AHNAK: variants seen among roughly 807,000 people sequenced by gnomAD.
The protein encoded by AHNAK is neuroblast differentiation-associated protein AHNAK.
In AHNAK, 23 loss-of-function variants were observed where a neutral mutation model predicts 37.8. The ratio of observed to expected loss-of-function variants is 0.61; its 90% confidence interval spans 0.44 to 0.86. The LOEUF is 0.86. Among genes scored for constraint, AHNAK ranks in the 40% least tolerant of loss-of-function variants. The pLI is 0.00. For missense variants in AHNAK, 7,411 were observed against 7,319.4 expected (o/e 1.01, Z -0.46); for synonymous variants, 2,481 against 2,636.3 (o/e 0.94, Z 1.80).
intron 5 of AHNAK, among the ~76,000 whole-genome samples, chr11:62,470,188 C>T (rs1357609606): frequency 6.6e-6 from 1 of 152,176 alleles, no homozygotes; most frequent in Non-Finnish European, 1.5e-5. Flanking sequence ...TGGCTCACGC[C>T]TGTAATCCCA....
At chr11:62,442,276 C>A (rs1938322075) in intron 5 of AHNAK, among the ~76,000 whole-genome samples, 2 of 152,126 alleles carry the variant, frequency 1.3e-5, no homozygotes, top group African/African-American at 4.8e-5. Context: ...CCGGGCACAG[C>A]AGCTCACACC....
intron 5 of AHNAK, among the ~76,000 whole-genome samples, chr11:62,478,920 G>T (rs1283869060): frequency 2.0e-5 from 3 of 151,872 alleles, no homozygotes; most frequent in African/African-American, 7.3e-5. Flanking sequence ...CTGTCTCCCA[G>T]GCTGGAGTAC....
rs547375899 is a variant in AHNAK at position 62,508,726 on chromosome 11, A to G, written c.343-16895T>C. ...AGCGGCTGCCTGACGCCACGGGGCA[A>G]TTCAGAGGCTGGTAAACAGCACATG... On this transcript the variant is annotated intron_variant, in intron 4 of 5. Transcript: ENST00000257247. Among the ~76,000 whole-genome samples, 5 of 152,364 alleles carry G rather than the reference A, an allele frequency of 3.3e-5. No homozygotes were observed. The South Asian group carries it at 1.0e-3, about 32-fold the overall frequency.
rs769012508 is a variant in AHNAK at position 62,518,350 on chromosome 11, A to G, written c.16067T>C (p.Leu5356Pro). 1 of 1,614,086 alleles carries G rather than the reference A, an allele frequency of 6.2e-7. No individual in the cohort carries two copies. The highest frequency in any genetic ancestry group is 2.2e-5 in the East Asian group (1 of 44,878). The change falls in exon 5 of 5, where the codon CTT (leucine) becomes CCT (proline). Residue 5356 changes from leucine to proline, a missense_variant. Transcript: ENST00000378024. ...KVPGIDATTKLNVGAPDVTLR... is the reference protein window; with the variant it reads ...KVPGIDATTKPNVGAPDVTLR... The stretch of plus-strand genomic sequence containing the variant: ...TGTCACATCTGGTGCCCCAACGTTA[A>G]GCTTTGTTGTGGCATCGATCCCTGG...
intron 5 of AHNAK, chr11:62,433,905 AC>A: frequency 6.2e-7 from 1 of 1,613,166 alleles, no homozygotes; most frequent in Non-Finnish European, 8.5e-7. Flanking sequence ...TAAAACAACA[AC>A]AAAGAGATTT....
chr11:62,443,777 G>A (rs1314371432), intron 5 of AHNAK, among the ~76,000 whole-genome samples: 7 of 152,198 alleles, frequency 4.6e-5, no homozygotes, highest in African/African-American at 1.7e-4. Context: ...TGCTTCTGGT[G>A]ATGAAAGAGG....
rs747820776 is a variant in AHNAK, at chr11:62,527,161, T to G, written c.7256A>C (p.His2419Pro). ...PKLEGDLKGP[H>P]VDVSGPDIDI... The stretch of plus-strand genomic sequence containing the variant: ...AATGTCTGGCCCACTGACATCCACA[T>G]GTGGCCCTTTAAGGTCCCCTTCCAA... The change falls in exon 5 of 5, where the codon CAT (histidine) becomes CCT (proline). Residue 2419 changes from histidine to proline, a missense_variant. Physicochemically the swap from His to Pro is moderately conservative, Grantham distance 77 (BLOSUM62 -2). Transcript: ENST00000378024. The G allele has an allele frequency of 6.2e-7, 1 of 1,612,352 alleles. No individual in the cohort carries two copies. The highest frequency in any genetic ancestry group is 8.5e-7 in the Non-Finnish European group (1 of 1,179,318).
chr11:62,511,961 G>C (rs2134183442), downstream of AHNAK, among the ~76,000 whole-genome samples: 1 of 152,252 alleles, frequency 6.6e-6, no homozygotes, highest in South Asian at 2.1e-4. Context: ...CAATTCTCCT[G>C]CCTCAGCCTC....
chr11:62,434,023 A>C, intron 5 of AHNAK: 2 of 1,153,866 alleles, frequency 1.7e-6, no homozygotes, highest in Non-Finnish European at 2.5e-6. Context: ...CATCCAAACA[A>C]ATGCTTGCCT....
At chr11:62,515,813 A>G (rs577293086), downstream of AHNAK, 15 of 913,176 alleles carry the variant, frequency 1.6e-5, no homozygotes, top group East Asian at 1.7e-4. Flanking sequence ...CAATGCCACC[A>G]GATGGATCCG....
Position 62,526,572 on chromosome 11 carries a change from G to A in AHNAK, c.7845C>T (p.Ile2615=), listed in dbSNP as rs1399153372. Residue 2615 remains isoleucine, a synonymous_variant, in exon 5 of 5, where the codon ATC becomes ATT. Transcript: ENST00000378024. ...EGDLKGPEVD[I]KGPKVDINAP... ...CATTAATATCCACTTTGGGCCCCTT[G>A]ATGTCAACTTCGGGGCCCTTGAGGT... 6.2e-7 allele frequency: 1 copy of A among 1,612,946 alleles called. No homozygotes were observed.
At chr11:62,497,047 A>AT (rs1294944188) in intron 4 of AHNAK, among the ~76,000 whole-genome samples, 1 of 152,208 alleles carries the variant, frequency 6.6e-6, no homozygotes, top group Non-Finnish European at 1.5e-5. Context: ...TTATCTGTGG[A>AT]AAATATTATA....
chr11:62,481,643 T>TTTTGGCTCACTGCAAGCTCCG lies in AHNAK; in HGVS notation c.442+10088_442+10089insCGGAGCTTGCAGTGAGCCAAA, dbSNP rs1555024239. 5.8e-4 allele frequency among the ~76,000 whole-genome samples: 87 copies of TTTTGGCTCACTGCAAGCTCCG among 150,978 alleles called. No individual in the cohort carries two copies. The East Asian group carries it at 0.014, about 24-fold the overall frequency. On this transcript the variant is annotated intron_variant, in intron 5 of 5. Coordinates refer to the AHNAK transcript ENST00000257247. ...CCTAGGCTGGAGTGCAGTGACACGATCTTGGCTCACTGCAAGCTCCGCCTC... is the reference window on the plus strand; with the variant it reads ...CCTAGGCTGGAGTGCAGTGACACGATTTTGGCTCACTGCAAGCTCCGCTTGGCTCACTGCAAGCTCCGCCTC...
Position 62,516,138 on chromosome 11 carries a change from A to G in AHNAK, c.*606T>C, listed in dbSNP as rs1335078881. The stretch of plus-strand genomic sequence containing the variant: ...TTGGACAATTTGCAAACAGATTCTA[A>G]TTTCCTCTCACCGTCAGCACCAAAC... On this transcript the variant is annotated 3_prime_UTR_variant, in exon 5 of 5. Coordinates refer to ENST00000378024, the MANE Select transcript of AHNAK (RefSeq NM_001620.3). 1 of 1,285,872 alleles carries G rather than the reference A, an allele frequency of 7.8e-7. No individual in the cohort carries two copies. Among genetic ancestry groups the G allele is most frequent in the African/African-American group, 1.5e-5 (1 of 65,784 alleles). 79.7% of individuals were successfully genotyped at this position (1,285,872 alleles called of 1,614,324 possible).
rs560438050 is a variant in AHNAK at position 62,533,767 on chromosome 11, G to A, written c.650C>T (p.Pro217Leu). 125 of 1,614,046 alleles carry A rather than the reference G, an allele frequency of 7.7e-5. No homozygotes were observed. Among genetic ancestry groups the A allele is most frequent in the South Asian group, 1.2e-4 (11 of 91,088 alleles). Reference sequence around the variant, plus strand: ...TCGGATATCCACAGCAGAGCCTGTCGGAGAGGCTGCCCCCGAGCCCGAGGG... The same window carrying A: ...TCGGATATCCACAGCAGAGCCTGTCAGAGAGGCTGCCCCCGAGCCCGAGGG... ...RLPSGSGAAS[P>L]TGSAVDIRAG... Residue 217 changes from proline to leucine, a missense_variant, in exon 5 of 5, where the codon CCG (proline) becomes CTG (leucine). Pro to Leu is a moderately conservative substitution (Grantham distance 98, BLOSUM62 -3). Coordinates refer to ENST00000378024, the MANE Select transcript of AHNAK (RefSeq NM_001620.3).
In AHNAK at chr11:62,487,397, G is replaced by A. The variant is rs984542829; in HGVS notation, c.442+4335C>T. Among the ~76,000 whole-genome samples the A allele has an allele frequency of 5.9e-5, 9 of 152,232 alleles. No individual in the cohort carries two copies. In the South Asian group the frequency reaches 8.3e-4, roughly 14 times the overall value. On this transcript the variant is annotated intron_variant, in intron 5 of 5. Coordinates refer to the AHNAK transcript ENST00000257247. ...GCTCCTAACCATGAGGGTATGTGGCGTAAGGCAGGACAGTATGACATCCAA... is the reference window on the plus strand; with the variant it reads ...GCTCCTAACCATGAGGGTATGTGGCATAAGGCAGGACAGTATGACATCCAA...
intron 5 of AHNAK, among the ~76,000 whole-genome samples, chr11:62,473,212 TG>T (rs1401699321): frequency 2.2e-5 from 3 of 135,252 alleles, no homozygotes; most frequent in Non-Finnish European, 4.6e-5. Flanking sequence ...CTGGTCAACA[TG>T]GTGAAACCCT....
Position 62,522,997 on chromosome 11 carries a change from A to T in AHNAK, c.11420T>A (p.Val3807Glu). The T allele has an allele frequency of 1.2e-6, 2 of 1,613,440 alleles. No individual in the cohort carries two copies. Among genetic ancestry groups the T allele is most frequent in the Non-Finnish European group, 1.7e-6 (2 of 1,179,900 alleles). ...AGGCATGCTGAACTTGGGCATTTTC[A>T]CCTTGGGCATCTTCAGGTGCCAGTC... ...GPDWHLKMPK[V>E]KMPKFSMPGF... Residue 3807 changes from valine to glutamate, a missense_variant, in exon 5 of 5, where the codon GTG (valine) becomes GAG (glutamate). Coordinates refer to ENST00000378024, the MANE Select transcript of AHNAK (RefSeq NM_001620.3).
Position 62,520,780 on chromosome 11 carries a change from C to T in AHNAK, c.13637G>A (p.Gly4546Glu). 1 of 1,613,960 alleles carries T rather than the reference C, an allele frequency of 6.2e-7. No individual in the cohort carries two copies. Among genetic ancestry groups the T allele is most frequent in the South Asian group, 1.1e-5 (1 of 91,048 alleles). ...DMDISVPKLE[G>E]DLKGPKVDVK... is the part of the protein sequence containing the mutation. ...ATCCACTTTGGGACCTTTCAGATCT[C>T]CCTCCAGTTTAGGAACGGAAATGTC... The change falls in exon 5 of 5, where the codon GGA becomes GAA. Residue 4546 changes from glycine to glutamate, a missense_variant. Transcript: ENST00000378024.
Sources: gnomAD v4.1 joint callset for allele counts (sites outside exome capture counted in the v4.1 genomes callset) on GRCh38, gnomAD v4.1.1 for gene constraint, MANE v1.5 for transcripts, NCBI Gene and HGNC (gene_info 2026-07-23, HGNC 2026-07-21) for gene names.